Variants in PCDHGB6 observed in about 807,000 individuals in gnomAD.
PCDHGB6 encodes protocadherin gamma subfamily B, 6.
A neutral mutation model predicts 59.1 loss-of-function variants in PCDHGB6; 51 were observed. The ratio of observed to expected loss-of-function variants is 0.86; its 90% CI spans 0.69 to 1.09. The LOEUF (loss-of-function observed/expected upper bound fraction) is 1.09. Ranked by LOEUF, PCDHGB6 falls within the 50% of genes least tolerant of loss-of-function variation. The probability of loss-of-function intolerance (pLI) is 0.00; values close to 1 mark genes in which losing one functional copy is unlikely to be tolerated. For missense variants in PCDHGB6, 1,148 were observed against 1,205.1 expected (o/e 0.95, Z 0.70); for synonymous variants, 466 against 495.1 (o/e 0.94, Z 0.78).
intron 1 of PCDHGB6, chr5:141,433,338 T>G (rs2097583623): frequency 3.1e-6 from 2 of 651,932 alleles, no homozygotes; most frequent in South Asian, 4.0e-5. Context: ...GGACTACAGG[T>G]GCAAGCCACC....
intron 2 of PCDHGB6, among the ~76,000 whole-genome samples, chr5:141,501,015 C>T (rs950216755): frequency 6.6e-5 from 10 of 151,866 alleles, no homozygotes; most frequent in African/African-American, 2.4e-4. Context: ...ACTACAGGCA[C>T]GCGCCACCAC....
intron 1 of PCDHGB6, among the ~76,000 whole-genome samples, chr5:141,451,719 TA>T (rs2098722539): frequency 6.6e-6 from 1 of 152,016 alleles, no homozygotes; most frequent in Non-Finnish European, 1.5e-5. Flanking sequence ...CTGCCTCTAC[TA>T]AAAATACAAA....
intron 2 of PCDHGB6, among the ~76,000 whole-genome samples, chr5:141,499,573 A>AT (rs2099792803): frequency 1.3e-5 from 2 of 152,108 alleles, no homozygotes; most frequent in Non-Finnish European, 2.9e-5. Context: ...AGCTTCAACT[A>AT]ATGCCTTATC....
Position 141,409,690 on chromosome 5 carries a change from A to T in PCDHGB6, c.1488A>T (p.Leu496=), listed in dbSNP as rs778962490. The part of the protein sequence containing the change: ...HISYSIVASD[L]EPLAVSSYVS... ...CCTACTCTATAGTGGCGAGTGACCT[A>T]GAGCCCCTGGCGGTGTCGTCATACG... Residue 496 remains leucine, a synonymous_variant, in exon 1 of 4, where the codon CTA becomes CTT. Transcript: ENST00000520790. The T allele has an allele frequency of 6.2e-7, 1 of 1,613,354 alleles. No individual in the cohort carries two copies. The highest frequency in any genetic ancestry group is 1.1e-5 in the South Asian group (1 of 91,086).
chr5:141,492,360 G>A (rs2099739696), intron 1 of PCDHGB6, among the ~76,000 whole-genome samples: 1 of 152,190 alleles, frequency 6.6e-6, no homozygotes, highest in African/African-American at 2.4e-5. Context: ...CCACTCGCTC[G>A]CGGCCAGATT....
intron 3 of PCDHGB6, among the ~76,000 whole-genome samples, chr5:141,506,435 G>C (rs1470687416): frequency 7.9e-6 from 1 of 126,278 alleles, no homozygotes; most frequent in East Asian, 2.1e-4. Flanking sequence ...CAACAGTCTC[G>C]CTCTGTCTCA....
At position 141,410,406 on chromosome 5, in the gene PCDHGB6, C is replaced by A. The variant is rs1361000460; in HGVS notation, c.2204C>A (p.Ser735Tyr). The A allele has an allele frequency of 6.2e-7, 1 of 1,614,050 alleles. No individual in the cohort carries two copies. Among genetic ancestry groups the A allele is most frequent in the Non-Finnish European group, 8.5e-7 (1 of 1,179,896 alleles). ...TTCCATCCTGGTCTCTGTGTCAAGT[C>A]TGGACCTGTAGTTCCCCCCAACTAC... ...DCFHPGLCVK[S>Y]GPVVPPNYSE... Residue 735 changes from serine to tyrosine, a missense_variant, in exon 1 of 4, where the codon TCT becomes TAT. Physicochemically the swap from Ser to Tyr is moderately radical, Grantham distance 144. Transcript: ENST00000520790.
At chr5:141,415,746 T>G (rs766611858) in intron 1 of PCDHGB6, 17 of 662,556 alleles carry the variant, frequency 2.6e-5, no homozygotes, top group East Asian at 1.1e-4. Context: ...TAAGGTTTTT[T>G]TTTTTTTTTT....
At chr5:141,498,971 G>A (rs866066098) in intron 2 of PCDHGB6, among the ~76,000 whole-genome samples, 16 of 111,052 alleles carry the variant, frequency 1.4e-4, no homozygotes, top group African/African-American at 2.5e-4. Context: ...GAGGGAGGGA[G>A]GGAAGGAAGG....
chr5:141,509,371 T>C (rs2099876508), intron 3 of PCDHGB6, among the ~76,000 whole-genome samples: 1 of 152,258 alleles, frequency 6.6e-6, no homozygotes, highest in South Asian at 2.1e-4. Context: ...AGGTTTTAAC[T>C]GTCTCCTAAC....
rs1036126623 is a variant in PCDHGB6, at chr5:141,410,753, T to A, written c.2418+133T>A. On this transcript the variant is annotated intron_variant, in intron 1 of 3. Transcript: ENST00000520790. ...AGCTTTTTACAATATTTTCTCAATG[T>A]TTTTTCAATTATAGTTTTCACTATG... 4.1e-6 allele frequency: 5 copies of A among 1,229,696 alleles called. No individual in the cohort carries two copies. In the African/African-American group the frequency reaches 6.1e-5, roughly 15 times the overall value. 76.2% of individuals were successfully genotyped at this position (1,229,696 alleles called of 1,614,324 possible). A position where few individuals can be genotyped will look rare whatever the true frequency, so the allele number is the denominator to read the frequency against.
chr5:141,503,417 A>T (rs1431276679), intron 2 of PCDHGB6, among the ~76,000 whole-genome samples: 2 of 151,968 alleles, frequency 1.3e-5, no homozygotes, highest in Non-Finnish European at 2.9e-5. Flanking sequence ...CAATATGGTG[A>T]AACCCCATCT....
At position 141,438,276 on chromosome 5, in the gene PCDHGB6, ATAATT is replaced by A. The variant is rs533892835; in HGVS notation, c.2418+27661_2418+27665del. ...TGAAGAGACCATAGAATCAAACAAA[ATAATT>A]TAATCTGTATGTAAAAGAAGTTGGT... On this transcript the variant is annotated intron_variant, in intron 1 of 3. Coordinates refer to ENST00000520790, the MANE Select transcript of PCDHGB6 (RefSeq NM_018926.3). 1.4e-3 allele frequency among the ~76,000 whole-genome samples: 213 copies of A among 152,246 alleles called. 1 individual carries two copies. The highest frequency in any genetic ancestry group is 4.8e-3 in the African/African-American group (199 of 41,534).
At position 141,510,973 on chromosome 5, in the gene PCDHGB6, G is replaced by A. The variant is rs1448442252; in HGVS notation, c.2593G>A (p.Gly865Arg). 2 of 1,614,042 alleles carry A rather than the reference G, an allele frequency of 1.2e-6. No individual in the cohort carries two copies. Among genetic ancestry groups the A allele is most frequent in the East Asian group, 2.2e-5 (1 of 44,894 alleles). ...AGCTGCTGATGGGAGCTCCACCCTG[G>A]GAGGGGGTGCCGGCACCATGGGATT... ...SEAADGSSTL[G>R]GGAGTMGLSA... Residue 865 changes from glycine (G) to arginine (R), a missense_variant, in exon 4 of 4, where the codon GGA (glycine) becomes AGA (arginine). Gly to Arg is a moderately radical substitution (Grantham distance 125). This residue lies in a region of PCDHGB6 where 283 missense variants were observed against 318.6 expected (regional missense o/e 0.89). Transcript: ENST00000520790.
In PCDHGB6 at chr5:141,490,084, G is replaced by A. The variant is rs772917260; in HGVS notation, c.2419-4723G>A. The A allele has an allele frequency of 4.3e-6, 7 of 1,614,104 alleles. No individual in the cohort carries two copies. ...CAACGGCCAACTAGACTATTCTTTT[G>A]GAGACCACACATCTGAGGCAGTGCG... On this transcript the variant is annotated intron_variant, in intron 1 of 3. Transcript: ENST00000520790. The surrounding 1 kb of genome is among the most constrained non-coding windows in gnomAD (Gnocchi z 5.4).
At chr5:141,471,046 C>CTTT (rs1170588345) in intron 1 of PCDHGB6, among the ~76,000 whole-genome samples, 3 of 113,252 alleles carry the variant, frequency 2.6e-5, no homozygotes, top group Non-Finnish European at 5.4e-5. Context: ...CCCAAGCCCT[C>CTTT]TTTTTTTTTT....
In PCDHGB6 at chr5:141,432,854, G is replaced by A. The variant is rs769962088; in HGVS notation, c.2418+22234G>A. 1 of 1,614,192 alleles carries A rather than the reference G, an allele frequency of 6.2e-7. No homozygotes were observed. On this transcript the variant is annotated intron_variant, in intron 1 of 3. Transcript: ENST00000520790. The surrounding 1 kb of genome is among the most constrained non-coding windows in gnomAD (Gnocchi z 6.0). ...TCTGTACCTGGTGGTAGCGGTGGCC[G>A]CGGTCTCCTGCGTCTTCCTGGCCTT...
intron 1 of PCDHGB6, chr5:141,418,511 G>A: frequency 5.6e-6 from 9 of 1,613,974 alleles, no homozygotes; most frequent in Non-Finnish European, 7.6e-6. Context: ...CTTAGATGGT[G>A]GGGACCCTCC....
At position 141,477,626 on chromosome 5, in the gene PCDHGB6, G is replaced by A. The variant is rs201987467; in HGVS notation, c.2419-17181G>A. The A allele has an allele frequency of 1.9e-5, 31 of 1,614,052 alleles. No individual in the cohort carries two copies. The highest frequency in any genetic ancestry group is 2.5e-5 in the Non-Finnish European group (30 of 1,180,044). Reference sequence around the variant, plus strand: ...TCTCTTGGAGCAAGGAGCTGAAACCGGGCTAGTGGGTCGCTATTTCACAAT... The same window carrying A: ...TCTCTTGGAGCAAGGAGCTGAAACCAGGCTAGTGGGTCGCTATTTCACAAT... On this transcript the variant is annotated intron_variant, in intron 1 of 3. Transcript: ENST00000520790. This position sits in a 1 kb window ranked among gnomAD's most constrained non-coding sequence, Gnocchi z 4.9.
Sources: allele counts gnomAD v4.1 joint callset (sites outside exome capture counted in the v4.1 genomes callset), GRCh38; gene constraint gnomAD v4.1.1; regional missense constraint gnomAD v4.1.1; non-coding constraint Gnocchi (gnomAD v3.1); transcripts MANE v1.5; gene names NCBI Gene and HGNC (gene_info 2026-07-23, HGNC 2026-07-21).